Variants in AQP7 observed in about 807,000 individuals in gnomAD.
The protein encoded by AQP7 is aquaporin 7, also known as aquaporin-7.
AQP7 carries 22 observed loss-of-function variants against 26.1 expected under a neutral mutation model. The ratio of observed to expected loss-of-function variants is 0.84; its 90% confidence interval spans 0.60 to 1.20. The LOEUF (loss-of-function observed/expected upper bound fraction) is 1.20. AQP7 is among the 50% of genes most tolerant of loss of function. AQP7 has a pLI of 0.00. For missense variants in AQP7, 412 were observed against 457.5 expected (o/e 0.90, Z 0.91); for synonymous variants, 167 against 181.7 (o/e 0.92, Z 0.65).
chr9:33,401,316 C>A, intron 1 of AQP7, 29 bp from the exon 2 acceptor site: 1 of 1,532,030 alleles, frequency 6.5e-7, no homozygotes, highest in Admixed American at 2.0e-5. Flanking sequence ...GTCACTAGGG[C>A]TGGAGGACAC....
At chr9:33,386,265 T>C (rs889612647) in intron 5 of AQP7, 70 bp from the exon 6 acceptor site, 79 of 1,608,128 alleles carry the variant, frequency 4.9e-5, no homozygotes, top group Non-Finnish European at 6.4e-5. Flanking sequence ...GAAATGAGGT[T>C]ATAGGTTAGA....
At chr9:33,394,706 C>A (rs1035751253) in intron 3 of AQP7, among the ~76,000 whole-genome samples, 22 of 151,972 alleles carry the variant, frequency 1.4e-4, no homozygotes, top group Non-Finnish European at 2.6e-4. Flanking sequence ...CCATGTTGGC[C>A]AGGCTGGTTT....
In AQP7 at chr9:33,384,946, C is replaced by G; in HGVS notation, c.*59G>C. ...AGGAGGCCCCCAGGAAGTGGGGGTA[C>G]TGCTGTCGGACAAGCCTTGCTTTAT... On this transcript the variant is annotated 3_prime_UTR_variant, in exon 8 of 8. Coordinates refer to ENST00000297988, the MANE Select transcript of AQP7 (RefSeq NM_001170.3). The G allele has an allele frequency of 6.5e-7, 1 of 1,540,130 alleles. No homozygotes were observed. Among genetic ancestry groups the G allele is most frequent in the South Asian group, 1.2e-5 (1 of 80,050 alleles).
At chr9:33,393,023 T>C (rs1306992961) in intron 3 of AQP7, among the ~76,000 whole-genome samples, 1 of 151,904 alleles carries the variant, frequency 6.6e-6, no homozygotes, top group African/African-American at 2.4e-5. Flanking sequence ...AATTCGGGAG[T>C]TCGAAACCAG....
intron 3 of AQP7, 124 bp from the exon 4 acceptor site, chr9:33,387,216 C>G (rs1334179142): frequency 6.1e-6 from 7 of 1,156,438 alleles, no homozygotes; most frequent in East Asian, 2.6e-5. Context: ...CCTCGAAGAC[C>G]CGCTGCCACG....
At chr9:33,394,486 CT>C (rs56966031) in intron 3 of AQP7, among the ~76,000 whole-genome samples, 94,460 of 115,082 alleles carry the variant, frequency 0.82, 38,952 homozygotes, top group South Asian at 0.94. Flanking sequence ...CTCTCTCTCT[CT>C]TTTTTTTTTT....
At chr9:33,401,367 G>A in intron 1 of AQP7, 80 bp from the exon 2 acceptor site, 6 of 1,264,276 alleles carry the variant, frequency 4.7e-6, no homozygotes, top group Non-Finnish European at 6.7e-6. Context: ...TGGTCCCCAG[G>A]GGAGAAGCCC....
chr9:33,386,846 C>T, intron 4 of AQP7, 123 bp downstream of exon 4: 1 of 1,436,388 alleles, frequency 7.0e-7, no homozygotes. Context: ...GAGACTTCCT[C>T]CCGCCCGGTG....
intron 3 of AQP7, chr9:33,391,345 C>CA (rs1360380067): frequency 6.3e-6 from 1 of 159,984 alleles, no homozygotes; most frequent in Non-Finnish European, 1.4e-5. Context: ...GGCAGCTCTA[C>CA]AGCCTTGCAC....
At chr9:33,387,169 G>A (rs1024791133) in intron 3 of AQP7, 77 bp from the exon 4 acceptor site, 3 of 1,467,624 alleles carry the variant, frequency 2.0e-6, no homozygotes, top group Non-Finnish European at 2.8e-6. Flanking sequence ...CTCAGTTCTA[G>A]CTCCTCACCC....
chr9:33,385,928 G>A, intron 6 of AQP7, 62 bp from the exon 7 acceptor site: 1 of 1,568,202 alleles, frequency 6.4e-7, no homozygotes, highest in Non-Finnish European at 8.7e-7. Context: ...GACCTCGGCA[G>A]TGCCCCAGAC....
rs1236362055 is a variant in AQP7 at position 33,385,836 on chromosome 9, G to A, written c.556C>T (p.Leu186Phe). The change falls in exon 7 of 8, where the codon CTC becomes TTC. Residue 186 changes from leucine (L) to phenylalanine (F), a missense_variant. Transcript: ENST00000297988. Reference sequence around the variant, plus strand: ...TTCTCCTGGTCCGTGATGGCGAAGAGACACAGCTGGAGCATCCCGGTCAGC... The same window carrying A: ...TTCTCCTGGTCCGTGATGGCGAAGAAACACAGCTGGAGCATCCCGGTCAGC... ...AWLTGMLQLC[L>F]FAITDQENNP... 6.2e-7 allele frequency: 1 copy of A among 1,611,636 alleles called. No homozygotes were observed. Among genetic ancestry groups the A allele is most frequent in the Non-Finnish European group, 8.5e-7 (1 of 1,179,426 alleles).
intron 3 of AQP7, among the ~76,000 whole-genome samples, chr9:33,387,928 C>T (rs1355545265): frequency 6.6e-6 from 1 of 152,198 alleles, no homozygotes; most frequent in Non-Finnish European, 1.5e-5. Context: ...CTCCCTGCTT[C>T]AGTCAGGCCG....
intron 2 of AQP7, among the ~76,000 whole-genome samples, chr9:33,399,278 C>A (rs1187247184): frequency 6.6e-6 from 1 of 152,194 alleles, no homozygotes; most frequent in Admixed American, 6.5e-5. Context: ...ATTCAACCTG[C>A]TAACCAACAT....
chr9:33,385,109 G>A lies in AQP7; in HGVS notation c.925C>T (p.Pro309Ser). 1.9e-6 allele frequency: 3 copies of A among 1,611,966 alleles called. No individual in the cohort carries two copies. Among genetic ancestry groups the A allele is most frequent in the South Asian group, 1.1e-5 (1 of 90,982 alleles). ...ACGGGGGTGAGGGGAGAGATCGTGG[G>A]TTCATGAGATCCCATCTTGGGCAAT... ...TVLPKMGSHEPTISPLTPVSV... is the reference protein window; with the variant it reads ...TVLPKMGSHESTISPLTPVSV... Residue 309 changes from proline (P) to serine (S), a missense_variant, in exon 8 of 8, where the codon CCC becomes TCC. Transcript: ENST00000297988.
chr9:33,385,854 C>A lies in AQP7; in HGVS notation c.538G>T (p.Gly180Trp). The stretch of plus-strand genomic sequence containing the variant: ...GCGAAGAGACACAGCTGGAGCATCC[C>A]GGTCAGCCACGCCTGAGGAGCAGAT... ...RGFLNEAWLT[G>W]MLQLCLFAIT... Residue 180 changes from glycine to tryptophan, a missense_variant, in exon 7 of 8, where the codon GGG becomes TGG. Coordinates refer to ENST00000297988, the MANE Select transcript of AQP7 (RefSeq NM_001170.3). The A allele has an allele frequency of 6.2e-7, 1 of 1,608,540 alleles. No homozygotes were observed. Among genetic ancestry groups the A allele is most frequent in the South Asian group, 1.1e-5 (1 of 90,914 alleles).
chr9:33,388,146 G>A (rs1386383176), intron 3 of AQP7, among the ~76,000 whole-genome samples: 11 of 152,104 alleles, frequency 7.2e-5, no homozygotes, highest in Admixed American at 3.3e-4. Context: ...TCATCTCCGC[G>A]GGGGAGCCGG....
intron 3 of AQP7, chr9:33,394,268 C>T (rs1341506379): frequency 6.6e-6 from 1 of 152,358 alleles, no homozygotes; most frequent in African/African-American, 2.4e-5. Context: ...AACCAGTCAT[C>T]ACCTTCTCTC....
At position 33,386,246 on chromosome 9, in the gene AQP7, G is replaced by A. The variant is rs371065737; in HGVS notation, c.407-51C>T. 107 of 1,610,962 alleles carry A rather than the reference G, an allele frequency of 6.6e-5. No homozygotes were observed. In the East Asian group the frequency reaches 8.0e-4, roughly 12 times the overall value. ...AACCTGCTCCCAACTAAGCCCCACC[G>A]GGGTCCCAGAAATGAGGTTATAGGT... On this transcript the variant is annotated intron_variant, in intron 5 of 7. Transcript: ENST00000297988.
Sources: allele counts gnomAD v4.1 joint callset (sites outside exome capture counted in the v4.1 genomes callset), GRCh38; gene constraint gnomAD v4.1.1; transcripts MANE v1.5; gene names NCBI Gene and HGNC (gene_info 2026-07-23, HGNC 2026-07-21).